ACSS3: variants seen among roughly 807,000 people sequenced by gnomAD.
ACSS3 encodes acyl-CoA synthetase short-chain family member 3, mitochondrial.
In ACSS3, 64 loss-of-function variants were observed where a neutral mutation model predicts 84.2. The observed-to-expected ratio is 0.76, with a 90% CI of 0.62 to 0.94. ACSS3 has a LOEUF of 0.94. Ranked by LOEUF, ACSS3 falls within the 40% of genes least tolerant of loss-of-function variation. The pLI is 0.00. For synonymous variants in ACSS3, 317 were observed against 310.1 expected (o/e 1.02, Z -0.23); for missense variants, 815 against 867.6 (o/e 0.94, Z 0.76).
chr12:81,173,175 T>C (rs141473037), intron 7 of ACSS3, among the ~76,000 whole-genome samples: 1 of 152,328 alleles, frequency 6.6e-6, no homozygotes, highest in African/African-American at 2.4e-5. Flanking sequence ...CCTTGTTTGT[T>C]AGAAAGAATA....
In ACSS3 at chr12:81,259,523, C is replaced by T; in HGVS notation, c.*4601C>T. 1 of 1,046,110 alleles carries T rather than the reference C, an allele frequency of 9.6e-7. No homozygotes were observed. The highest frequency in any genetic ancestry group is 1.4e-6 in the Non-Finnish European group (1 of 715,556). The allele number at this position is 1,046,110 out of a possible 1,614,324, so 64.8% of individuals were successfully genotyped here. A position where few individuals can be genotyped will look rare whatever the true frequency, so the allele number is the denominator to read the frequency against. ...TAATCAAATGTAATATCTGACTCCCCCCAAAAATCACATTTTTCAGCTTTT... is the reference window on the plus strand; with the variant it reads ...TAATCAAATGTAATATCTGACTCCCTCCAAAAATCACATTTTTCAGCTTTT... On this transcript the variant is annotated 3_prime_UTR_variant, in exon 16 of 16. Transcript: ENST00000548058.
chr12:81,241,385 G>A (rs1387361908), intron 13 of ACSS3, among the ~76,000 whole-genome samples: 1 of 152,048 alleles, frequency 6.6e-6, no homozygotes, highest in Non-Finnish European at 1.5e-5. Flanking sequence ...GGTATTTCTA[G>A]TTCTAGATCC....
chr12:81,192,648 T>A (rs1593180832), intron 8 of ACSS3, among the ~76,000 whole-genome samples: 1 of 152,300 alleles, frequency 6.6e-6, no homozygotes, highest in East Asian at 1.9e-4. Context: ...TTATGTCACC[T>A]TTTTTCCATT....
At chr12:81,129,347 G>A (rs186813255) in intron 2 of ACSS3, among the ~76,000 whole-genome samples, 10 of 152,136 alleles carry the variant, frequency 6.6e-5, no homozygotes, top group Admixed American at 6.5e-4. Flanking sequence ...AAAAATGCAA[G>A]CTGTATGATA....
At chr12:81,158,995 C>CTGTAATACAGTAATTA (rs1887019620) in intron 7 of ACSS3, among the ~76,000 whole-genome samples, 1 of 152,126 alleles carries the variant, frequency 6.6e-6, no homozygotes, top group South Asian at 2.1e-4. Flanking sequence ...GTATTTAATA[C>CTGTAATACAGTAATTA]ATATTTGTTA....
At chr12:81,080,451 A>G (rs1396344674) in intron 1 of ACSS3, among the ~76,000 whole-genome samples, 2 of 152,040 alleles carry the variant, frequency 1.3e-5, no homozygotes, top group East Asian at 1.9e-4. Flanking sequence ...ATAACACCGT[A>G]TCTGAATTCT....
At chr12:81,203,175 G>T (rs2032187759) in intron 9 of ACSS3, among the ~76,000 whole-genome samples, 1 of 152,164 alleles carries the variant, frequency 6.6e-6, no homozygotes, top group African/African-American at 2.4e-5. Context: ...GCCTGGAGTT[G>T]TTGTCCAGGG....
chr12:81,152,124 T>C, intron 7 of ACSS3, 28 bp downstream of exon 7: 1 of 1,550,724 alleles, frequency 6.4e-7, no homozygotes, highest in Non-Finnish European at 8.8e-7. Flanking sequence ...ATACCACATA[T>C]AAATGATATT....
At chr12:81,197,673 C>A (rs1179971165) in intron 8 of ACSS3, among the ~76,000 whole-genome samples, 1 of 152,166 alleles carries the variant, frequency 6.6e-6, no homozygotes, top group Non-Finnish European at 1.5e-5. Flanking sequence ...ACACTATCAT[C>A]CTTCAGAACA....
chr12:81,253,609 C>A lies in ACSS3; in HGVS notation c.1934C>A (p.Thr645Asn). 1.2e-6 allele frequency: 2 copies of A among 1,613,956 alleles called. No homozygotes were observed. The highest frequency in any genetic ancestry group is 1.7e-6 in the Non-Finnish European group (2 of 1,179,894). ...NAVFVKQLPK[T>N]RSGKIPRSAL... ...GTGTTTGTCAAACAGCTACCCAAAA[C>A]CAGATCTGGCAAGATCCCCCGATCA... Residue 645 changes from threonine to asparagine, a missense_variant, in exon 15 of 16, where the codon ACC becomes AAC. By Grantham distance (65) the Thr-to-Asn change is moderately conservative. Coordinates refer to ENST00000548058, the MANE Select transcript of ACSS3 (RefSeq NM_024560.4).
intron 2 of ACSS3, among the ~76,000 whole-genome samples, chr12:81,126,230 G>T (rs1307786310): frequency 1.3e-5 from 2 of 152,136 alleles, no homozygotes; most frequent in African/African-American, 2.4e-5. Flanking sequence ...AGAGATATTG[G>T]CAGCAACTCT....
At chr12:81,228,836 T>C (rs1212166668) in intron 11 of ACSS3, among the ~76,000 whole-genome samples, 1 of 151,794 alleles carries the variant, frequency 6.6e-6, no homozygotes, top group Non-Finnish European at 1.5e-5. Flanking sequence ...GAGCAGATAG[T>C]GTGTGGATGC....
intron 5 of ACSS3, among the ~76,000 whole-genome samples, chr12:81,149,019 G>A (rs1200489890): frequency 6.6e-6 from 1 of 151,818 alleles, no homozygotes; most frequent in East Asian, 1.9e-4. Context: ...GGCGGAGGTT[G>A]TAGTGAGCAA....
chr12:81,127,392 G>A (rs1885172995), intron 2 of ACSS3, among the ~76,000 whole-genome samples: 1 of 152,028 alleles, frequency 6.6e-6, no homozygotes, highest in African/African-American at 2.4e-5. Context: ...GTTAATGCAT[G>A]GACTAAAGAA....
At chr12:81,130,570 T>C (rs892722201) in intron 2 of ACSS3, among the ~76,000 whole-genome samples, 11 of 152,252 alleles carry the variant, frequency 7.2e-5, no homozygotes, top group Non-Finnish European at 1.6e-4. Context: ...TCTCACATTC[T>C]GTAGGTTGCA....
rs12317752 is a variant in ACSS3 at position 81,089,681 on chromosome 12, G to T, written c.311+11250G>T. ...GAGTCATTCCTTTCTGTAACCTGAT[G>T]TATTATCGTCAATAATGATAATGGT... On this transcript the variant is annotated intron_variant, in intron 1 of 15. Coordinates refer to ENST00000548058, the MANE Select transcript of ACSS3 (RefSeq NM_024560.4). Among the ~76,000 whole-genome samples the T allele has an allele frequency of 7.7e-3, 1,167 of 152,022 alleles. 18 individuals carry two copies. Among genetic ancestry groups the T allele is most frequent in the African/African-American group, 0.027 (1,124 of 41,532 alleles).
chr12:81,199,590 T>C, intron 9 of ACSS3, 146 bp downstream of exon 9: 1 of 1,483,282 alleles, frequency 6.7e-7, no homozygotes, highest in East Asian at 2.5e-5. Flanking sequence ...AATAAGCAAT[T>C]TTTTTATTGT....
chr12:81,225,444 G>A (rs2033242110), intron 11 of ACSS3, among the ~76,000 whole-genome samples: 1 of 151,892 alleles, frequency 6.6e-6, no homozygotes, highest in African/African-American at 2.4e-5. Context: ...ACTTGTGAAT[G>A]ATGAAGTAGT....
intron 4 of ACSS3, among the ~76,000 whole-genome samples, chr12:81,139,619 A>AAT (rs1555250956): frequency 1.4e-4 from 14 of 99,124 alleles, no homozygotes; most frequent in Non-Finnish European, 2.8e-4. Flanking sequence ...TATATATATA[A>AAT]AATAATAATA....
Sources: allele counts gnomAD v4.1 joint callset (sites outside exome capture counted in the v4.1 genomes callset), GRCh38; gene constraint gnomAD v4.1.1; transcripts MANE v1.5; gene names NCBI Gene and HGNC (gene_info 2026-07-23, HGNC 2026-07-21).